The following AK5 variants were observed in gnomAD, a reference collection of about 807,000 sequenced individuals.
AK5 encodes the protein adenylate kinase isoenzyme 5.
Under a neutral mutation model 69.5 loss-of-function variants are expected in AK5, and 27 were observed. The observed-to-expected ratio is 0.39, with a 90% CI of 0.29 to 0.54. The LOEUF (loss-of-function observed/expected upper bound fraction) is 0.54. AK5 is among the 20% of genes least tolerant of loss of function. AK5 has a pLI of 0.71. For synonymous variants in AK5, 260 were observed against 244.4 expected (o/e 1.06, Z -0.60); for missense variants, 531 against 700.4 (o/e 0.76, Z 2.73).
In AK5 at chr1:77,287,112, T is replaced by G. The variant is rs201693741; in HGVS notation, c.232T>G (p.Ser78Ala). ...PPLNGGQSRR[S>A]FLRNVMPENS... ...ACTAAATGGAGGACAGTCACGGAGA[T>G]CCTTTCTAAGAAATGGTAATGTATA... Residue 78 changes from serine (S) to alanine (A), a missense_variant, in exon 2 of 14, where the codon TCC (serine) becomes GCC (alanine). Coordinates refer to ENST00000354567, the MANE Select transcript of AK5 (RefSeq NM_174858.3). The G allele has an allele frequency of 3.2e-6, 5 of 1,565,084 alleles. No homozygotes were observed. The highest frequency in any genetic ancestry group is 1.7e-4 in the Middle Eastern group (1 of 5,820).
In AK5 at chr1:77,518,678, G is replaced by C; in HGVS notation, c.1262G>C (p.Arg421Thr). ...LREELASESE[R>T]SKLIRDIMER... Reference sequence around the variant, plus strand: ...GAGGAACTGGCATCAGAATCTGAAAGAAGCAAATTGATCAGAGACATTATG... The same window carrying C: ...GAGGAACTGGCATCAGAATCTGAAACAAGCAAATTGATCAGAGACATTATG... The change falls in exon 11 of 14, where the codon AGA (arginine) becomes ACA (threonine). Residue 421 changes from arginine to threonine, a missense_variant. By Grantham distance (71) the Arg-to-Thr change is moderately conservative. Transcript: ENST00000354567. The C allele has an allele frequency of 6.2e-7, 1 of 1,614,202 alleles. No homozygotes were observed. Among genetic ancestry groups the C allele is most frequent in the South Asian group, 1.1e-5 (1 of 91,084 alleles).
At chr1:77,287,569 A>C (rs1040271442) in intron 2 of AK5, among the ~76,000 whole-genome samples, 2 of 152,284 alleles carry the variant, frequency 1.3e-5, no homozygotes, top group Non-Finnish European at 2.9e-5. Flanking sequence ...GCATCTGCAT[A>C]AATGCATGTA....
At chr1:77,316,050 TGCTTGGTGCTA>T (rs1660226560) in intron 5 of AK5, among the ~76,000 whole-genome samples, 1 of 152,176 alleles carries the variant, frequency 6.6e-6, no homozygotes, top group Admixed American at 6.5e-5. Context: ...AAAGTACTGA[TGCTTGGTGCTA>T]GCAGACACAA....
intron 8 of AK5, among the ~76,000 whole-genome samples, chr1:77,471,353 T>C (rs1001778328): frequency 1.9e-4 from 29 of 152,202 alleles, no homozygotes; most frequent in African/African-American, 6.8e-4. Context: ...TTGGCTGCTG[T>C]GGTAAGCAAA....
chr1:77,282,658 A>G, intron 1 of AK5: 1 of 1,186,842 alleles, frequency 8.4e-7, no homozygotes, highest in Non-Finnish European at 1.0e-6. Context: ...TCGGATGTGG[A>G]CACCCAGGGT....
At chr1:77,542,420 G>A (rs987860135) in intron 13 of AK5, among the ~76,000 whole-genome samples, 3 of 152,170 alleles carry the variant, frequency 2.0e-5, no homozygotes, top group Admixed American at 6.5e-5. Flanking sequence ...AGTGAGCACT[G>A]TGGGCAGCTG....
At chr1:77,433,250 T>C (rs1651756957) in intron 8 of AK5, among the ~76,000 whole-genome samples, 1 of 128,994 alleles carries the variant, frequency 7.8e-6, no homozygotes, top group Admixed American at 8.7e-5. Context: ...AATAGGTGTA[T>C]TATAGTTTTT....
chr1:77,440,539 A>G (rs1000284359), intron 8 of AK5, among the ~76,000 whole-genome samples: 2 of 152,166 alleles, frequency 1.3e-5, no homozygotes, highest in African/African-American at 4.8e-5. Context: ...GGAAGTTTCT[A>G]GCTATTACAT....
intron 6 of AK5, among the ~76,000 whole-genome samples, chr1:77,405,598 A>C (rs1649564480): frequency 6.6e-6 from 1 of 152,146 alleles, no homozygotes; most frequent in African/African-American, 2.4e-5. Flanking sequence ...TGGCTCTTTC[A>C]GCACTTCTAG....
At chr1:77,424,745 A>G (rs1055801574) in intron 8 of AK5, among the ~76,000 whole-genome samples, 7 of 152,196 alleles carry the variant, frequency 4.6e-5, no homozygotes, top group African/African-American at 1.7e-4. Context: ...GGCTGAAAAA[A>G]CAGAACTGAA....
chr1:77,381,246 G>T (rs1224632607), intron 6 of AK5, among the ~76,000 whole-genome samples: 1 of 152,116 alleles, frequency 6.6e-6, no homozygotes, highest in Non-Finnish European at 1.5e-5. Flanking sequence ...TGAAGTTATA[G>T]CAACAAGAAT....
At position 77,549,128 on chromosome 1, in the gene AK5, G is replaced by A. The variant is rs575032726; in HGVS notation, c.1621-9474G>A. Among the ~76,000 whole-genome samples, 6 of 151,546 alleles carry A rather than the reference G, an allele frequency of 4.0e-5. No homozygotes were observed. The South Asian group carries it at 8.4e-4, about 21-fold the overall frequency. ...TGACCTCAGGTGATCCGCCCTCCTCGGCCTCCCAAAGTCCTGGGATTACAG... is the reference window on the plus strand; with the variant it reads ...TGACCTCAGGTGATCCGCCCTCCTCAGCCTCCCAAAGTCCTGGGATTACAG... On this transcript the variant is annotated intron_variant, in intron 13 of 13. Transcript: ENST00000354567.
At chr1:77,531,101 A>C (rs976078679) in intron 12 of AK5, among the ~76,000 whole-genome samples, 1 of 152,116 alleles carries the variant, frequency 6.6e-6, no homozygotes, top group East Asian at 1.9e-4. Flanking sequence ...CCATTCTTAA[A>C]GGCAGCGTGT....
intron 5 of AK5, among the ~76,000 whole-genome samples, chr1:77,304,818 C>T (rs986854923): frequency 2.8e-4 from 42 of 152,174 alleles, no homozygotes; most frequent in African/African-American, 9.4e-4. Flanking sequence ...GATATCTCTT[C>T]GATATACTGA....
chr1:77,368,261 TG>T (rs1647048350), intron 6 of AK5, among the ~76,000 whole-genome samples: 1 of 105,754 alleles, frequency 9.5e-6, no homozygotes, highest in Non-Finnish European at 1.9e-5. Context: ...ATAATATATA[TG>T]TTATATATAT....
chr1:77,285,485 A>G (rs1396175023), intron 1 of AK5, among the ~76,000 whole-genome samples: 1 of 152,258 alleles, frequency 6.6e-6, no homozygotes. Context: ...AATAATTGAA[A>G]ATAAAATACT....
chr1:77,348,332 A>G (rs1662015093), intron 6 of AK5, among the ~76,000 whole-genome samples: 1 of 152,192 alleles, frequency 6.6e-6, no homozygotes, highest in South Asian at 2.1e-4. Context: ...ATTCCCACCT[A>G]TGAGTGAGTT....
intron 8 of AK5, among the ~76,000 whole-genome samples, chr1:77,463,986 G>A (rs903978524): frequency 5.3e-5 from 8 of 152,188 alleles, no homozygotes; most frequent in Non-Finnish European, 8.8e-5. Flanking sequence ...TTAATGAGGA[G>A]GGAGCCACTT....
At chr1:77,399,737 T>C (rs1649079121) in intron 6 of AK5, among the ~76,000 whole-genome samples, 1 of 151,994 alleles carries the variant, frequency 6.6e-6, no homozygotes. Context: ...GACCGAATAG[T>C]GATGAGAGGA....
Sources: gnomAD v4.1 joint callset for allele counts (sites outside exome capture counted in the v4.1 genomes callset) on GRCh38, gnomAD v4.1.1 for gene constraint, MANE v1.5 for transcripts, NCBI Gene and HGNC (gene_info 2026-07-23, HGNC 2026-07-21) for gene names.